Variants in HP1BP3 observed in about 807,000 individuals in gnomAD.
The protein encoded by HP1BP3 is heterochromatin protein 1 binding protein 3, also known as heterochromatin protein 1-binding protein 3.
HP1BP3 carries 12 observed loss-of-function variants against 62.5 expected under a neutral mutation model. The ratio of observed to expected loss-of-function variants is 0.19; its 90% confidence interval spans 0.12 to 0.31. The LOEUF (loss-of-function observed/expected upper bound fraction) is 0.31, where lower values mean the gene tolerates loss of function less well. HP1BP3 is among the 10% of genes least tolerant of loss of function. The probability of loss-of-function intolerance (pLI) is 1.00; values close to 1 mark genes in which losing one functional copy is unlikely to be tolerated. For synonymous variants in HP1BP3, 260 were observed against 237.8 expected (o/e 1.09, Z -0.86); for missense variants, 502 against 651.8 (o/e 0.77, Z 2.50).
In HP1BP3 at chr1:20,744,629, C is replaced by A; in HGVS notation, c.*168G>T. On this transcript the variant is annotated 3_prime_UTR_variant, in exon 13 of 13. Coordinates refer to ENST00000438032, the MANE Select transcript of HP1BP3 (RefSeq NM_001372052.1). ...AAAAGGGCAGGCACCAATAAAAGCACCTAAAGCTAGCAAATGCCTAAACTG... is the reference window on the plus strand; with the variant it reads ...AAAAGGGCAGGCACCAATAAAAGCAACTAAAGCTAGCAAATGCCTAAACTG... 2 of 638,722 alleles carry A rather than the reference C, an allele frequency of 3.1e-6. No individual in the cohort carries two copies. The highest frequency in any genetic ancestry group is 2.8e-5 in the East Asian group (1 of 35,674). 39.6% of individuals were successfully genotyped at this position (638,722 alleles called of 1,614,324 possible).
Position 20,780,401 on chromosome 1 carries a change from T to C in HP1BP3, c.40A>G (p.Lys14Glu), listed in dbSNP as rs766766202. ...DTSQGELVHPKALPLIVGAQL... is the reference protein window; with the variant it reads ...DTSQGELVHPEALPLIVGAQL... ...GCTCCTACTATAAGTGGGAGTGCCT[T>C]AGGATGGACGAGTTCACCTTGAGAC... is the stretch of plus-strand genomic sequence containing the variant. The change falls in exon 2 of 13, where the codon AAG becomes GAG. Residue 14 changes from lysine (K) to glutamate (E), a missense_variant. Physicochemically the swap from Lys to Glu is moderately conservative, Grantham distance 56 (BLOSUM62 1). Around this residue, in one of 5 missense-constraint regions of HP1BP3, gnomAD observed 165 missense variants for 156.4 expected, o/e 1.05. Transcript: ENST00000438032. 6.2e-7 allele frequency: 1 copy of C among 1,614,040 alleles called. No homozygotes were observed. Among genetic ancestry groups the C allele is most frequent in the Non-Finnish European group, 8.5e-7 (1 of 1,179,922 alleles).
At chr1:20,758,940 G>A (rs1302969773) in intron 8 of HP1BP3, among the ~76,000 whole-genome samples, 3 of 151,940 alleles carry the variant, frequency 2.0e-5, no homozygotes, top group Admixed American at 6.6e-5. Flanking sequence ...CATGTGAACC[G>A]CAGCACCTGG....
intron 8 of HP1BP3, among the ~76,000 whole-genome samples, chr1:20,761,108 G>A (rs576378350): frequency 6.6e-6 from 1 of 152,200 alleles, no homozygotes; most frequent in South Asian, 2.1e-4. Flanking sequence ...GCAGTGGTGT[G>A]ATCTTGGCTC....
intron 10 of HP1BP3, among the ~76,000 whole-genome samples, chr1:20,748,463 T>C (rs535367645): frequency 1.3e-5 from 2 of 152,288 alleles, no homozygotes; most frequent in East Asian, 3.9e-4. Context: ...CATATAGAAA[T>C]AGGCCGGGCG....
chr1:20,759,971 C>T (rs2056369501), intron 8 of HP1BP3, among the ~76,000 whole-genome samples: 1 of 149,256 alleles, frequency 6.7e-6, no homozygotes, highest in South Asian at 2.1e-4. Context: ...TCACTGCAAC[C>T]TCTGCCTCCT....
intron 9 of HP1BP3, among the ~76,000 whole-genome samples, chr1:20,753,728 AAAT>A (rs1255309044): frequency 1.3e-5 from 2 of 152,250 alleles, no homozygotes; most frequent in East Asian, 1.9e-4. Context: ...ACCACAAAAC[AAAT>A]AATGTTAACA....
chr1:20,745,098 G>A lies in HP1BP3; in HGVS notation c.1368-7C>T, dbSNP rs772144763. ...TGGGGTTTTCTTCTGCAACCTGTGAGAACCAAAGAGCAAAGGCCGTCATTT... is the reference window on the plus strand; with the variant it reads ...TGGGGTTTTCTTCTGCAACCTGTGAAAACCAAAGAGCAAAGGCCGTCATTT... On this transcript the variant is annotated splice_region_variant and splice_polypyrimidine_tract_variant and intron_variant, in intron 12 of 12. Coordinates refer to ENST00000438032, the MANE Select transcript of HP1BP3 (RefSeq NM_001372052.1). The A allele has an allele frequency of 5.0e-6, 8 of 1,598,720 alleles. No individual in the cohort carries two copies. Among genetic ancestry groups the A allele is most frequent in the Non-Finnish European group, 6.8e-6 (8 of 1,174,896 alleles).
intron 1 of HP1BP3, among the ~76,000 whole-genome samples, chr1:20,783,976 T>C (rs1250942172): frequency 1.3e-5 from 2 of 151,188 alleles, no homozygotes; most frequent in African/African-American, 4.9e-5. Context: ...TCACTGTACC[T>C]ATGTTTTTTG....
At chr1:20,777,712 C>A (rs1445399468) in intron 3 of HP1BP3, among the ~76,000 whole-genome samples, 1 of 152,220 alleles carries the variant, frequency 6.6e-6, no homozygotes, top group Non-Finnish European at 1.5e-5. Context: ...CCCGCCTCAG[C>A]CTCCCAAAAT....
At chr1:20,747,512 T>A in intron 11 of HP1BP3, 32 bp downstream of exon 11, 1 of 1,295,304 alleles carries the variant, frequency 7.7e-7, no homozygotes, top group Non-Finnish European at 1.1e-6. Context: ...GACTATAAAT[T>A]TACAGTGATC....
intron 9 of HP1BP3, chr1:20,750,115 T>A: frequency 1.5e-6 from 1 of 688,494 alleles, no homozygotes; most frequent in Non-Finnish European, 2.1e-6. Flanking sequence ...CCATCCACCC[T>A]AAAATAATAG....
intron 9 of HP1BP3, among the ~76,000 whole-genome samples, chr1:20,755,872 A>G (rs888000114): frequency 2.0e-5 from 3 of 152,212 alleles, no homozygotes; most frequent in Non-Finnish European, 4.4e-5. Context: ...CATCATGCCA[A>G]AAGAAGCCAG....
chr1:20,767,777 A>AT, intron 6 of HP1BP3, 113 bp from the exon 7 acceptor site: 16 of 633,348 alleles, frequency 2.5e-5, no homozygotes, highest in Non-Finnish European at 3.0e-5. Flanking sequence ...ACTTCTTCAG[A>AT]GAAAAAAAAA....
chr1:20,779,561 A>G (rs2057451171), intron 3 of HP1BP3, among the ~76,000 whole-genome samples: 1 of 152,094 alleles, frequency 6.6e-6, no homozygotes, highest in Admixed American at 6.6e-5. Context: ...GTCATCCCCA[A>G]ACATTTTTGT....
chr1:20,756,446 T>C (rs1339100152), intron 9 of HP1BP3, among the ~76,000 whole-genome samples: 1 of 151,908 alleles, frequency 6.6e-6, no homozygotes, highest in Non-Finnish European at 1.5e-5. Context: ...GGCTCACACC[T>C]ACAATCCCAG....
chr1:20,768,994 A>C (rs1375552197), intron 6 of HP1BP3, among the ~76,000 whole-genome samples: 4 of 152,232 alleles, frequency 2.6e-5, no homozygotes, highest in Non-Finnish European at 5.9e-5. Context: ...CATAAACTAA[A>C]ACATGAAGCC....
Position 20,780,377 on chromosome 1 carries a change from C to T in HP1BP3, c.64G>A (p.Ala22Thr). The change falls in exon 2 of 13, where the codon GCT becomes ACT. Residue 22 changes from alanine (A) to threonine (T), a missense_variant. By Grantham distance (58) the Ala-to-Thr change is moderately conservative (BLOSUM62 0). Transcript: ENST00000438032. ...AACTTGTCCGCGTGGATCAGCTGAGCTCCTACTATAAGTGGGAGTGCCTTA... is the reference window on the plus strand; with the variant it reads ...AACTTGTCCGCGTGGATCAGCTGAGTTCCTACTATAAGTGGGAGTGCCTTA... ...HPKALPLIVGAQLIHADKLGE... is the reference protein window; with the variant it reads ...HPKALPLIVGTQLIHADKLGE... 6.2e-7 allele frequency: 1 copy of T among 1,613,868 alleles called. No individual in the cohort carries two copies. The highest frequency in any genetic ancestry group is 1.1e-5 in the South Asian group (1 of 91,070).
chr1:20,761,339 C>G (rs1393781968), intron 8 of HP1BP3, among the ~76,000 whole-genome samples: 1 of 152,098 alleles, frequency 6.6e-6, no homozygotes, highest in South Asian at 2.1e-4. Context: ...CAGTACCCAG[C>G]CTGTTTACTG....
chr1:20,778,955 A>C (rs1570672313), intron 3 of HP1BP3, among the ~76,000 whole-genome samples: 1 of 151,882 alleles, frequency 6.6e-6, no homozygotes, highest in South Asian at 2.1e-4. Context: ...ATGCCCAGAT[A>C]ATGTTTATAA....
Sources: allele counts gnomAD v4.1 joint callset (sites outside exome capture counted in the v4.1 genomes callset), GRCh38; gene constraint gnomAD v4.1.1; regional missense constraint gnomAD v4.1.1; transcripts MANE v1.5; gene names NCBI Gene and HGNC (gene_info 2026-07-23, HGNC 2026-07-21).